Variants in THSD7A observed in about 807,000 individuals in gnomAD.
THSD7A encodes thrombospondin type 1 domain containing 7A.
In THSD7A, 96 loss-of-function variants were observed where a neutral mutation model predicts 231.3. That is an observed-to-expected ratio of 0.41 (90% CI 0.35 to 0.49). THSD7A has a LOEUF of 0.49. Ranked by LOEUF, THSD7A falls within the 20% of genes least tolerant of loss-of-function variation. The pLI is 0.05. For synonymous variants in THSD7A, 940 were observed against 743.3 expected (o/e 1.26, Z -4.30); for missense variants, 2,290 against 2,070.2 (o/e 1.11, Z -2.06).
Position 11,407,357 on chromosome 7 carries a change from G to A in THSD7A, c.3865C>T (p.Leu1289Phe). 1 of 1,613,718 alleles carries A rather than the reference G, an allele frequency of 6.2e-7. No individual in the cohort carries two copies. Among genetic ancestry groups the A allele is most frequent in the Non-Finnish European group, 8.5e-7 (1 of 1,179,814 alleles). ...TCTGACCAAGGAGACCAATCAGAAA[G>A]CTGACAGTTCACAGGGCATTCCACC... ...CMVECPVNCQ[L>F]SDWSPWSECS... Residue 1289 changes from leucine to phenylalanine, a missense_variant, in exon 20 of 28, where the codon CTT (leucine) becomes TTT (phenylalanine). Coordinates refer to ENST00000423059, the MANE Select transcript of THSD7A (RefSeq NM_015204.3).
At chr7:11,702,359 A>C (rs1351310073) in intron 1 of THSD7A, among the ~76,000 whole-genome samples, 2 of 151,228 alleles carry the variant, frequency 1.3e-5, no homozygotes, top group Non-Finnish European at 3.0e-5. Context: ...TCCTTGTTAC[A>C]GCATGACTGT....
chr7:11,831,745 C>G lies in THSD7A; in HGVS notation c.190+12G>C, dbSNP rs1320644552. Reference sequence around the variant, plus strand: ...TGTGAAGATGGGGAAAGGGTAACTCCGTCCCACTTACCAGTCTTCCACAGA... The same window carrying G: ...TGTGAAGATGGGGAAAGGGTAACTCGGTCCCACTTACCAGTCTTCCACAGA... On this transcript the variant is annotated intron_variant, in intron 1 of 27. Transcript: ENST00000423059. The surrounding 1 kb of genome is among the most constrained non-coding windows in gnomAD (Gnocchi z 5.0). The G allele has an allele frequency of 6.9e-7, 1 of 1,443,900 alleles. No individual in the cohort carries two copies. The highest frequency in any genetic ancestry group is 2.4e-5 in the Admixed American group (1 of 41,292). 89.4% of individuals were successfully genotyped at this position (1,443,900 alleles called of 1,614,324 possible).
At chr7:11,749,342 C>A (rs753801359) in intron 1 of THSD7A, among the ~76,000 whole-genome samples, 5 of 151,936 alleles carry the variant, frequency 3.3e-5, no homozygotes, top group Non-Finnish European at 5.9e-5. Flanking sequence ...GTGCACCCCC[C>A]ACATATCTCC....
rs1457314712 is a variant in THSD7A, at chr7:11,814,806, A to T, written c.190+16951T>A. Among the ~76,000 whole-genome samples, 6 of 152,180 alleles carry T rather than the reference A, an allele frequency of 3.9e-5. No individual in the cohort carries two copies. Among genetic ancestry groups the T allele is most frequent in the African/African-American group, 7.2e-5 (3 of 41,444 alleles). On this transcript the variant is annotated intron_variant, in intron 1 of 27. Coordinates refer to ENST00000423059, the MANE Select transcript of THSD7A (RefSeq NM_015204.3). The surrounding 1 kb of genome is among the most constrained non-coding windows in gnomAD (Gnocchi z 5.1). Reference sequence around the variant, plus strand: ...TTTTGATGACTCTCCCATTAGAGGTATGTAGTCACCACAGCAAACTCTCAA... The same window carrying T: ...TTTTGATGACTCTCCCATTAGAGGTTTGTAGTCACCACAGCAAACTCTCAA...
intron 23 of THSD7A, among the ~76,000 whole-genome samples, chr7:11,397,738 C>A (rs6954067): frequency 2.0e-5 from 3 of 151,922 alleles, no homozygotes; most frequent in African/African-American, 7.3e-5. Context: ...AAAAAGTGGG[C>A]GAAGAATATG....
chr7:11,637,080 T>C lies in THSD7A; in HGVS notation c.191-119A>G. On this transcript the variant is annotated intron_variant, in intron 1 of 27. Coordinates refer to ENST00000423059, the MANE Select transcript of THSD7A (RefSeq NM_015204.3). This position sits in a 1 kb window ranked among gnomAD's most constrained non-coding sequence, Gnocchi z 4.2. ...TTAACTTCCCTGCGGTGTTACAAAGTAGGTCTCTGGACACGACTGTTGGAA... is the reference window on the plus strand; with the variant it reads ...TTAACTTCCCTGCGGTGTTACAAAGCAGGTCTCTGGACACGACTGTTGGAA... 2.2e-6 allele frequency: 2 copies of C among 920,378 alleles called. No individual in the cohort carries two copies. Among genetic ancestry groups the C allele is most frequent in the East Asian group, 2.6e-5 (1 of 39,146 alleles). 57.0% of individuals were successfully genotyped at this position (920,378 alleles called of 1,614,324 possible).
At chr7:11,434,511 C>T (rs1412696846) in intron 13 of THSD7A, among the ~76,000 whole-genome samples, 1 of 152,012 alleles carries the variant, frequency 6.6e-6, no homozygotes, top group African/African-American at 2.4e-5. Context: ...AATTGTGCTG[C>T]TGAAAGGAAT....
At chr7:11,601,126 T>G (rs1478355028) in intron 2 of THSD7A, among the ~76,000 whole-genome samples, 1 of 152,226 alleles carries the variant, frequency 6.6e-6, no homozygotes, top group Non-Finnish European at 1.5e-5. Context: ...CTTACAAAAC[T>G]CTACATATTT....
intron 23 of THSD7A, among the ~76,000 whole-genome samples, chr7:11,397,628 A>T (rs1225374465): frequency 6.6e-6 from 1 of 152,224 alleles, no homozygotes; most frequent in Non-Finnish European, 1.5e-5. Flanking sequence ...CAACCTGCTG[A>T]TTGGGAGAAA....
At chr7:11,750,999 C>T (rs1176643112) in intron 1 of THSD7A, 1 of 151,930 alleles carries the variant, frequency 6.6e-6, no homozygotes, top group Non-Finnish European at 1.5e-5. Flanking sequence ...ATGACAAAGG[C>T]GGGTCTGCAT....
intron 1 of THSD7A, among the ~76,000 whole-genome samples, chr7:11,791,859 C>A (rs968052969): frequency 1.3e-5 from 2 of 151,784 alleles, no homozygotes; most frequent in African/African-American, 4.8e-5. Context: ...TTTTTGCTGC[C>A]GCCTCTTTCT....
chr7:11,556,948 T>G (rs1172606894), intron 4 of THSD7A, among the ~76,000 whole-genome samples: 1 of 152,080 alleles, frequency 6.6e-6, no homozygotes, highest in Non-Finnish European at 1.5e-5. Flanking sequence ...TTCTTCAGGT[T>G]TAACTTATTT....
chr7:11,561,070 C>G (rs1235179729), intron 4 of THSD7A, among the ~76,000 whole-genome samples: 2 of 152,084 alleles, frequency 1.3e-5, no homozygotes, highest in African/African-American at 2.4e-5. Context: ...AATTACATAG[C>G]TGAGAAAGTA....
intron 4 of THSD7A, among the ~76,000 whole-genome samples, chr7:11,582,780 T>A (rs189552376): frequency 1.3e-5 from 2 of 152,300 alleles, no homozygotes; most frequent in East Asian, 3.9e-4. Context: ...ATTTGCTAAT[T>A]CCTTTGTAAA....
chr7:11,696,928 A>C (rs1263166029), intron 1 of THSD7A, among the ~76,000 whole-genome samples: 1 of 151,428 alleles, frequency 6.6e-6, no homozygotes, highest in South Asian at 2.1e-4. Flanking sequence ...TGGATCCACT[A>C]TTATAGTTTC....
chr7:11,661,735 G>C (rs1459671632), intron 1 of THSD7A, among the ~76,000 whole-genome samples: 1 of 150,974 alleles, frequency 6.6e-6, no homozygotes, highest in Non-Finnish European at 1.5e-5. Context: ...CCAAGAAGAT[G>C]GTATTCAGAA....
intron 4 of THSD7A, among the ~76,000 whole-genome samples, chr7:11,583,422 G>A (rs1045369604): frequency 3.3e-5 from 5 of 152,026 alleles, no homozygotes; most frequent in Non-Finnish European, 1.5e-5. Context: ...GACTACAGGT[G>A]CATGCCATCA....
chr7:11,648,921 T>C (rs1782388801), intron 1 of THSD7A, among the ~76,000 whole-genome samples: 1 of 152,014 alleles, frequency 6.6e-6, no homozygotes, highest in African/African-American at 2.4e-5. Flanking sequence ...CCGTGTATGA[T>C]GCTGTCAGGA....
At chr7:11,572,860 A>G (rs1453254661) in intron 4 of THSD7A, among the ~76,000 whole-genome samples, 5 of 151,924 alleles carry the variant, frequency 3.3e-5, no homozygotes, top group African/African-American at 9.7e-5. Flanking sequence ...TCCGTCAATA[A>G]TGGGTCTTTT....
Sources: gnomAD v4.1 joint callset for allele counts (sites outside exome capture counted in the v4.1 genomes callset) on GRCh38, gnomAD v4.1.1 for gene constraint, Gnocchi (gnomAD v3.1) non-coding constraint, MANE v1.5 for transcripts, NCBI Gene and HGNC (gene_info 2026-07-23, HGNC 2026-07-21) for gene names.